Variants in PTPRQ observed in about 807,000 individuals in gnomAD.
PTPRQ encodes the protein protein tyrosine phosphatase receptor type Q.
PTPRQ carries 199 observed loss-of-function variants against 246.0 expected under a neutral mutation model. The observed-to-expected ratio is 0.81, with a 90% CI of 0.72 to 0.91. The LOEUF (loss-of-function observed/expected upper bound fraction) is 0.91, where lower values mean the gene tolerates loss of function less well. Ranked by LOEUF, PTPRQ falls within the 40% of genes least tolerant of loss-of-function variation. PTPRQ has a pLI of 0.00. For missense variants in PTPRQ, 2,624 were observed against 2,528.4 expected, an observed-to-expected ratio of 1.04 and a Z score of -0.81; for synonymous variants, 869 against 853.2, an observed-to-expected ratio of 1.02 and a Z score of -0.32.
rs760633710 is a variant in PTPRQ at position 80,495,976 on chromosome 12, C to A, written c.1883-23C>A. ...AGAGTATTATTTTAAGGACATTAAA[C>A]AGTTTGTCTCTTGTCCTTATAGGGT... On this transcript the variant is annotated intron_variant, in intron 12 of 44. Coordinates refer to ENST00000644991, the MANE Select transcript of PTPRQ (RefSeq NM_001145026.2). The A allele has an allele frequency of 3.9e-6, 6 of 1,541,878 alleles. No individual in the cohort carries two copies. The South Asian group carries it at 6.1e-5, about 16-fold the overall frequency.
chr12:80,483,242 T>A (rs1894138406), intron 8 of PTPRQ, among the ~76,000 whole-genome samples: 1 of 133,284 alleles, frequency 7.5e-6, no homozygotes, highest in Non-Finnish European at 1.6e-5. Context: ...TGGATGAAAT[T>A]GGAAATCATC....
Position 80,678,968 on chromosome 12 carries a change from T to C in PTPRQ, c.6863-18T>C, listed in dbSNP as rs1352516918. 1.9e-6 allele frequency: 3 copies of C among 1,539,866 alleles called. No homozygotes were observed. The highest frequency in any genetic ancestry group is 2.8e-5 in the African/African-American group (2 of 72,452). On this transcript the variant is annotated intron_variant, in intron 44 of 44. Coordinates refer to ENST00000644991, the MANE Select transcript of PTPRQ (RefSeq NM_001145026.2). Reference sequence around the variant, plus strand: ...TTAACTTCAACACTCTCTTGTAACATGTTACTTTCTGTTATAGGTGATGTT... The same window carrying C: ...TTAACTTCAACACTCTCTTGTAACACGTTACTTTCTGTTATAGGTGATGTT...
chr12:80,534,834 T>C, intron 18 of PTPRQ, 58 bp from the exon 19 acceptor site: 1 of 1,502,264 alleles, frequency 6.7e-7, no homozygotes, highest in Non-Finnish European at 8.9e-7. Flanking sequence ...ATTCAGGCCA[T>C]TTCAGACATT....
At chr12:80,560,142 C>A (rs1214594312) in intron 25 of PTPRQ, among the ~76,000 whole-genome samples, 2 of 152,216 alleles carry the variant, frequency 1.3e-5, no homozygotes, top group East Asian at 3.9e-4. Context: ...GGCCTGGCCA[C>A]ATGCTTACCT....
At chr12:80,625,283 G>A (rs1430704220) in intron 33 of PTPRQ, among the ~76,000 whole-genome samples, 2 of 152,092 alleles carry the variant, frequency 1.3e-5, no homozygotes, top group African/African-American at 4.8e-5. Flanking sequence ...GCAGGCTAGG[G>A]ACTCAAACAT....
chr12:80,588,247 A>G lies in PTPRQ; in HGVS notation c.4404A>G (p.Gln1468=). The change falls in exon 26 of 45, where the codon CAA becomes CAG. Residue 1468 remains glutamine (Q), a synonymous_variant. Transcript: ENST00000644991. ...GYFQNYKITT[Q]LRAQKCKEWE... Reference sequence around the variant, plus strand: ...TTCAAAATTACAAAATTACCACTCAACTTCGTGCTCAAAAATGCAAAGAAT... The same window carrying G: ...TTCAAAATTACAAAATTACCACTCAGCTTCGTGCTCAAAAATGCAAAGAAT... 1.3e-6 allele frequency: 2 copies of G among 1,551,636 alleles called. No homozygotes were observed. The highest frequency in any genetic ancestry group is 1.2e-5 in the South Asian group (1 of 84,064).
Position 80,610,491 on chromosome 12 carries a change from A to G in PTPRQ, c.4784A>G (p.Lys1595Arg), listed in dbSNP as rs1024596873. 1 of 1,529,696 alleles carries G rather than the reference A, an allele frequency of 6.5e-7. No homozygotes were observed. The highest frequency in any genetic ancestry group is 8.8e-7 in the Non-Finnish European group (1 of 1,133,354). The allele number at this position is 1,529,696 out of a possible 1,614,324, so 94.8% of individuals were successfully genotyped here. A position where few individuals can be genotyped will look rare whatever the true frequency, so the allele number is the denominator to read the frequency against. Residue 1595 changes from lysine to arginine, a missense_variant, in exon 28 of 45, where the codon AAA (lysine) becomes AGA (arginine). By Grantham distance (26) the Lys-to-Arg change is conservative (BLOSUM62 2). Transcript: ENST00000644991. Reference protein sequence around the residue: ...ISFIKSNEENKTIEIKDLEIF... With the variant: ...ISFIKSNEENRTIEIKDLEIF... ...TTCATCAAGTCAAATGAAGAAAATA[A>G]AACCATAGAAATTAAAGATTTAGAA...
At chr12:80,444,620 G>A in intron 1 of PTPRQ, 121 bp from the exon 2 acceptor site, 2 of 753,576 alleles carry the variant, frequency 2.7e-6, no homozygotes, top group Non-Finnish European at 4.6e-6. Context: ...TTATTGTGAT[G>A]TTATAAACAG....
chr12:80,615,027 T>A (rs1325679060), intron 29 of PTPRQ, among the ~76,000 whole-genome samples: 1 of 150,958 alleles, frequency 6.6e-6, no homozygotes, highest in Non-Finnish European at 1.5e-5. Flanking sequence ...ACCTACTGAA[T>A]CAAAATCTGC....
intron 17 of PTPRQ, among the ~76,000 whole-genome samples, chr12:80,513,226 T>C (rs1895176664): frequency 6.6e-6 from 1 of 152,094 alleles, no homozygotes; most frequent in African/African-American, 2.4e-5. Flanking sequence ...CACGATTTAT[T>C]GAGTGGAGAT....
intron 20 of PTPRQ, among the ~76,000 whole-genome samples, chr12:80,541,282 C>G (rs1434148421): frequency 6.6e-6 from 1 of 151,932 alleles, no homozygotes; most frequent in African/African-American, 2.4e-5. Context: ...CACACACACA[C>G]AATCTCCACA....
At chr12:80,587,221 CTAAA>C (rs1301524265) in intron 25 of PTPRQ, among the ~76,000 whole-genome samples, 2 of 152,108 alleles carry the variant, frequency 1.3e-5, no homozygotes, top group Admixed American at 6.5e-5. Context: ...AATGAGCTTT[CTAAA>C]TATTTATTAA....
chr12:80,588,553 A>C, intron 26 of PTPRQ, 101 bp downstream of exon 26: 8 of 1,227,488 alleles, frequency 6.5e-6, no homozygotes, highest in Non-Finnish European at 8.3e-6. Context: ...AAAATCACTG[A>C]ACATAGAAAT....
At chr12:80,508,108 C>A (rs1895019032) in intron 16 of PTPRQ, among the ~76,000 whole-genome samples, 1 of 151,946 alleles carries the variant, frequency 6.6e-6, no homozygotes, top group African/African-American at 2.4e-5. Flanking sequence ...ATTACCTGGG[C>A]TGTTAAAAAT....
chr12:80,477,869 G>A (rs4589363), intron 8 of PTPRQ, among the ~76,000 whole-genome samples: 79,493 of 152,118 alleles, frequency 0.52, 25,044 homozygotes, highest in Non-Finnish European at 0.7. Context: ...CACCTGGCTC[G>A]GAGGGTCCTA....
At chr12:80,551,319 T>C (rs1896467791) in intron 25 of PTPRQ, among the ~76,000 whole-genome samples, 1 of 152,114 alleles carries the variant, frequency 6.6e-6, no homozygotes, top group Admixed American at 6.6e-5. Flanking sequence ...CTACATACAA[T>C]CAGGTCTTAT....
At position 80,645,803 on chromosome 12, in the gene PTPRQ, T is replaced by G. The variant is rs114042668; in HGVS notation, c.5916-3094T>G. 8.4e-3 allele frequency among the ~76,000 whole-genome samples: 1,278 copies of G among 152,092 alleles called. 30 individuals carry two copies. The highest frequency in any genetic ancestry group is 0.029 in the African/African-American group (1,190 of 41,492). ...AAGAATGCCTGGAATGGTATAAAAT[T>G]GAGAGGGAGGGATATATAGAGAATA... On this transcript the variant is annotated intron_variant, in intron 35 of 44. Transcript: ENST00000644991.
chr12:80,530,217 T>A (rs1349426433), intron 17 of PTPRQ, among the ~76,000 whole-genome samples: 1 of 152,200 alleles, frequency 6.6e-6, no homozygotes, highest in East Asian at 1.9e-4. Flanking sequence ...TCACAACTAA[T>A]TTCTTTGCTC....
intron 43 of PTPRQ, among the ~76,000 whole-genome samples, chr12:80,676,623 C>A (rs1483266335): frequency 6.6e-6 from 1 of 152,114 alleles, no homozygotes. Flanking sequence ...ACCTGGGCGA[C>A]AGAGCGAGAC....
Sources: gnomAD v4.1 joint callset for allele counts (sites outside exome capture counted in the v4.1 genomes callset) on GRCh38, gnomAD v4.1.1 for gene constraint, MANE v1.5 for transcripts, NCBI Gene and HGNC (gene_info 2026-07-23, HGNC 2026-07-21) for gene names.